ARMC9: variants seen among roughly 807,000 people sequenced by gnomAD.
The protein encoded by ARMC9 is lisH domain-containing protein ARMC9.
A neutral mutation model predicts 107.0 loss-of-function variants in ARMC9; 94 were observed. That is an observed-to-expected ratio of 0.88 (90% CI 0.74 to 1.04). The LOEUF (loss-of-function observed/expected upper bound fraction) is 1.04. ARMC9 is among the 50% of genes least tolerant of loss of function. ARMC9 has a pLI of 0.00. For missense variants in ARMC9, 942 were observed against 1,030.1 expected (o/e 0.91, Z 1.17); for synonymous variants, 380 against 396.9 (o/e 0.96, Z 0.51).
intron 3 of ARMC9, among the ~76,000 whole-genome samples, chr2:231,210,021 A>C (rs1266492624): frequency 1.3e-5 from 2 of 152,148 alleles, no homozygotes; most frequent in Admixed American, 1.3e-4. Flanking sequence ...TAACATACCT[A>C]CTTCCAGAAA....
intron 3 of ARMC9, among the ~76,000 whole-genome samples, chr2:231,210,687 G>A (rs1465624048): frequency 6.6e-6 from 1 of 152,176 alleles, no homozygotes; most frequent in Non-Finnish European, 1.5e-5. Context: ...TTCCGCAACT[G>A]GTTTGCCATC....
chr2:231,271,823 ATTCTGGGC>A (rs1321410420), intron 13 of ARMC9, among the ~76,000 whole-genome samples: 1 of 152,186 alleles, frequency 6.6e-6, no homozygotes, highest in Non-Finnish European at 1.5e-5. Context: ...GCTAGGGACC[ATTCTGGGC>A]TTATTACAGG....
intron 9 of ARMC9, among the ~76,000 whole-genome samples, chr2:231,254,203 G>T (rs1358690702): frequency 2.0e-5 from 3 of 152,190 alleles, no homozygotes; most frequent in Non-Finnish European, 4.4e-5. Flanking sequence ...GAGAGAATGT[G>T]TGTATCATCT....
chr2:231,259,228 C>A, intron 11 of ARMC9, 126 bp downstream of exon 11: 1 of 826,950 alleles, frequency 1.2e-6, no homozygotes, highest in Non-Finnish European at 1.9e-6. Flanking sequence ...TCTGCTGACA[C>A]CAAGAACGGA....
intron 7 of ARMC9, among the ~76,000 whole-genome samples, chr2:231,234,160 A>G (rs1424173467): frequency 6.6e-6 from 1 of 152,162 alleles, no homozygotes; most frequent in Non-Finnish European, 1.5e-5. Flanking sequence ...ATAGTGAGTT[A>G]CTCTGGGTTT....
chr2:231,228,981 G>C (rs947936139), intron 7 of ARMC9, among the ~76,000 whole-genome samples: 3 of 152,068 alleles, frequency 2.0e-5, no homozygotes, highest in African/African-American at 7.2e-5. Flanking sequence ...ACATGGGAAG[G>C]GGAATGCAAA....
chr2:231,235,326 T>G lies in ARMC9; in HGVS notation c.725T>G (p.Ile242Ser), dbSNP rs147777576. The G allele has an allele frequency of 6.2e-7, 1 of 1,614,218 alleles. No individual in the cohort carries two copies. Among genetic ancestry groups the G allele is most frequent in the Non-Finnish European group, 8.5e-7 (1 of 1,180,034 alleles). The change falls in exon 8 of 25, where the codon ATT becomes AGT. Residue 242 changes from isoleucine (I) to serine (S), a missense_variant. Physicochemically the swap from Ile to Ser is moderately radical, Grantham distance 142. Transcript: ENST00000611582. The stretch of plus-strand genomic sequence containing the variant: ...ATCCAGGCCGACTACCACAATCTCA[T>G]TGGAGTCACAGCAGAGCTGGTGGAT... Reference protein sequence around the residue: ...NKIQADYHNLIGVTAELVDSL... With the variant: ...NKIQADYHNLSGVTAELVDSL...
intron 19 of ARMC9, among the ~76,000 whole-genome samples, chr2:231,307,654 C>T (rs370821663): frequency 3.3e-5 from 5 of 152,296 alleles, no homozygotes; most frequent in African/African-American, 1.2e-4. Context: ...TGAAGGAGTT[C>T]CAGGGACCTT....
rs78864914 is a variant in ARMC9 at position 231,210,709 on chromosome 2, C to T, written c.177+2457C>T. 5.7e-3 allele frequency among the ~76,000 whole-genome samples: 869 copies of T among 152,316 alleles called. 10 individuals carry two copies. Among genetic ancestry groups the T allele is most frequent in the African/African-American group, 0.019 (778 of 41,572 alleles). On this transcript the variant is annotated intron_variant, in intron 3 of 24. Transcript: ENST00000611582. ...ACTGGTTTGCCATCGCATTTCAGCT[C>T]CAGCTGCATCTGAGAACACTCAAAT...
chr2:231,207,473 C>CT (rs924902189), intron 2 of ARMC9, among the ~76,000 whole-genome samples: 35 of 147,454 alleles, frequency 2.4e-4, no homozygotes, highest in South Asian at 6.5e-4. Flanking sequence ...ACCATTTTTT[C>CT]TTTTTTTTTT....
At chr2:231,326,273 C>A (rs10498225) in intron 19 of ARMC9, among the ~76,000 whole-genome samples, 15,992 of 152,198 alleles carry the variant, frequency 0.11, 1,780 homozygotes, top group East Asian at 0.34. Flanking sequence ...CCTCTGTTTC[C>A]ACACCAGGAA....
At chr2:231,265,715 A>G (rs924883560) in intron 12 of ARMC9, among the ~76,000 whole-genome samples, 10 of 151,612 alleles carry the variant, frequency 6.6e-5, no homozygotes, top group Non-Finnish European at 1.3e-4. Flanking sequence ...AAAAAAAAAA[A>G]GAAGAAATAG....
At chr2:231,318,941 A>G (rs559361231) in intron 19 of ARMC9, among the ~76,000 whole-genome samples, 80 of 152,302 alleles carry the variant, frequency 5.3e-4, no homozygotes, top group African/African-American at 1.8e-3. Flanking sequence ...CCAGGTGACC[A>G]TGAGTGCTTT....
intron 4 of ARMC9, among the ~76,000 whole-genome samples, chr2:231,215,920 C>T (rs2033450578): frequency 6.6e-6 from 1 of 152,142 alleles, no homozygotes; most frequent in South Asian, 2.1e-4. Context: ...CAAAAGAGGG[C>T]TCATGGTATA....
intron 19 of ARMC9, among the ~76,000 whole-genome samples, chr2:231,302,351 T>A (rs1294972019): frequency 6.6e-6 from 1 of 150,806 alleles, no homozygotes; most frequent in Non-Finnish European, 1.5e-5. Flanking sequence ...AGTAAATCCA[T>A]TACATTAATA....
intron 8 of ARMC9, among the ~76,000 whole-genome samples, chr2:231,236,263 T>C (rs59318213): frequency 0.14 from 20,739 of 152,258 alleles, 2,955 homozygotes; most frequent in African/African-American, 0.35. Flanking sequence ...TTTTGATTTA[T>C]TCTTCTGTGT....
At chr2:231,365,233 C>CT (rs1466632539) in intron 23 of ARMC9, among the ~76,000 whole-genome samples, 1 of 152,194 alleles carries the variant, frequency 6.6e-6, no homozygotes, top group Non-Finnish European at 1.5e-5. Flanking sequence ...ACGCATGGGA[C>CT]TGAGTCCTGG....
intron 10 of ARMC9, among the ~76,000 whole-genome samples, chr2:231,258,337 A>G (rs1055923220): frequency 6.6e-6 from 1 of 151,916 alleles, no homozygotes; most frequent in African/African-American, 2.4e-5. Context: ...GCGTGTCACT[A>G]TGCCCGGCTA....
At chr2:231,253,054 C>T (rs1295381200) in intron 9 of ARMC9, among the ~76,000 whole-genome samples, 1 of 152,128 alleles carries the variant, frequency 6.6e-6, no homozygotes, top group African/African-American at 2.4e-5. Flanking sequence ...AGTATAAAAA[C>T]ATACATGCAT....
Sources: allele counts gnomAD v4.1 joint callset (sites outside exome capture counted in the v4.1 genomes callset), GRCh38; gene constraint gnomAD v4.1.1; transcripts MANE v1.5; gene names NCBI Gene and HGNC (gene_info 2026-07-23, HGNC 2026-07-21).